CA10: variants seen among roughly 807,000 people sequenced by gnomAD.
CA10 encodes carbonic anhydrase 10 (inactive).
CA10 carries 14 observed loss-of-function variants against 44.2 expected under a neutral mutation model. The ratio of observed to expected loss-of-function variants is 0.32; its 90% CI spans 0.21 to 0.50. CA10 has a LOEUF of 0.50. Ranked by LOEUF, CA10 falls within the 20% of genes least tolerant of loss-of-function variation. The pLI is 0.99. For synonymous variants in CA10, 159 were observed against 141.6 expected, an observed-to-expected ratio of 1.12 and a Z score of -0.87; for missense variants, 350 against 409.7, an observed-to-expected ratio of 0.85 and a Z score of 1.26.
chr17:51,920,918 T>A, intron 3 of CA10, among the ~76,000 whole-genome samples: 1 of 152,344 alleles, frequency 6.6e-6, no homozygotes, highest in East Asian at 1.9e-4. Context: ...ATCAAAATCC[T>A]CTTTTATAAC....
At chr17:52,103,654 G>A (rs1883633524) in intron 1 of CA10, among the ~76,000 whole-genome samples, 1 of 152,220 alleles carries the variant, frequency 6.6e-6, no homozygotes, top group Non-Finnish European at 1.5e-5. Context: ...GAACTAGGGT[G>A]ATTTTGGCAT....
At chr17:51,734,593 T>C (rs1460653375) in intron 4 of CA10, among the ~76,000 whole-genome samples, 1 of 152,126 alleles carries the variant, frequency 6.6e-6, no homozygotes, top group East Asian at 1.9e-4. Flanking sequence ...TCACAAGGAA[T>C]GAGGAATATT....
intron 3 of CA10, among the ~76,000 whole-genome samples, chr17:51,786,288 G>A (rs1011258608): frequency 4.0e-5 from 6 of 151,496 alleles, no homozygotes; most frequent in Non-Finnish European, 5.9e-5. Context: ...GCATTGGCTC[G>A]TGGCTGTAAT....
At chr17:51,929,164 C>A (rs1039753695) in intron 3 of CA10, among the ~76,000 whole-genome samples, 2 of 152,110 alleles carry the variant, frequency 1.3e-5, no homozygotes, top group African/African-American at 4.8e-5. Context: ...TGATTTTTAA[C>A]ACTAGACTAT....
intron 3 of CA10, among the ~76,000 whole-genome samples, chr17:51,890,372 G>A (rs956124401): frequency 2.6e-5 from 4 of 152,098 alleles, no homozygotes; most frequent in African/African-American, 9.7e-5. Context: ...GTTGCCATTT[G>A]CTCAATATTT....
chr17:51,972,532 C>A (rs902121279), intron 2 of CA10, among the ~76,000 whole-genome samples: 6 of 151,958 alleles, frequency 3.9e-5, no homozygotes, highest in Non-Finnish European at 8.8e-5. Flanking sequence ...ATTCGTAAGA[C>A]TCCTGGTCTT....
chr17:51,907,023 T>G (rs62063232), intron 3 of CA10, among the ~76,000 whole-genome samples: 23,500 of 152,170 alleles, frequency 0.15, 2,016 homozygotes, highest in South Asian at 0.31. Flanking sequence ...CAATAACCTG[T>G]ACCAAGTCTT....
At chr17:52,126,626 C>T (rs1181351478) in intron 1 of CA10, among the ~76,000 whole-genome samples, 2 of 151,848 alleles carry the variant, frequency 1.3e-5, no homozygotes, top group Non-Finnish European at 2.9e-5. Context: ...ATTTTCATGC[C>T]CACTTTGAAA....
At chr17:51,681,205 TG>T (rs1354284015) in intron 4 of CA10, among the ~76,000 whole-genome samples, 3 of 152,140 alleles carry the variant, frequency 2.0e-5, no homozygotes, top group African/African-American at 7.2e-5. Context: ...ATCTGCAAAA[TG>T]GGTATGGTAA....
chr17:52,025,973 T>C (rs1986289206), intron 2 of CA10, among the ~76,000 whole-genome samples: 1 of 152,040 alleles, frequency 6.6e-6, no homozygotes, highest in Non-Finnish European at 1.5e-5. Flanking sequence ...AGTATATATG[T>C]ATAATGTGTA....
chr17:51,821,731 C>G (rs927887339), intron 3 of CA10, among the ~76,000 whole-genome samples: 1 of 152,014 alleles, frequency 6.6e-6, no homozygotes, highest in Non-Finnish European at 1.5e-5. Context: ...GTCCTGGATA[C>G]TCTCTGCTCT....
chr17:51,874,950 G>A (rs1351403163), intron 3 of CA10, among the ~76,000 whole-genome samples: 2 of 5,942 alleles, frequency 3.4e-4, no homozygotes, highest in Non-Finnish European at 8.6e-4. Context: ...TTTTTCTTCT[G>A]TTTTTTTTTC....
At chr17:52,058,982 TAC>T (rs1331067284) in intron 2 of CA10, among the ~76,000 whole-genome samples, 3 of 152,150 alleles carry the variant, frequency 2.0e-5, no homozygotes, top group Non-Finnish European at 4.4e-5. Flanking sequence ...GAGTAAATTT[TAC>T]ACACTATGCA....
At chr17:51,896,210 G>A (rs557463351) in intron 3 of CA10, among the ~76,000 whole-genome samples, 18 of 152,044 alleles carry the variant, frequency 1.2e-4, no homozygotes, top group Admixed American at 6.6e-4. Context: ...CATAGTACCC[G>A]GCAGGTAGTT....
chr17:51,740,242 C>T (rs1395325381), intron 4 of CA10, among the ~76,000 whole-genome samples: 1 of 152,140 alleles, frequency 6.6e-6, no homozygotes, highest in Non-Finnish European at 1.5e-5. Flanking sequence ...CTACAACATA[C>T]TCTGTGACTG....
intron 2 of CA10, among the ~76,000 whole-genome samples, chr17:52,048,671 C>G (rs1036049220): frequency 1.5e-4 from 23 of 151,876 alleles, no homozygotes; most frequent in Admixed American, 8.5e-4. Flanking sequence ...GGAAAATAAT[C>G]TGAATATGCT....
chr17:51,727,711 T>C (rs1248062444), intron 4 of CA10, among the ~76,000 whole-genome samples: 3 of 152,218 alleles, frequency 2.0e-5, no homozygotes, highest in Non-Finnish European at 4.4e-5. Context: ...TTAAAGATGC[T>C]ATCACTGATT....
chr17:51,811,448 C>T (rs776760752), intron 3 of CA10, among the ~76,000 whole-genome samples: 10 of 152,128 alleles, frequency 6.6e-5, no homozygotes, highest in Non-Finnish European at 1.0e-4. Flanking sequence ...CAGCCCCCTC[C>T]CGACAGGCCC....
chr17:51,671,377 A>G (rs989184818), intron 4 of CA10, among the ~76,000 whole-genome samples: 14 of 150,796 alleles, frequency 9.3e-5, no homozygotes, highest in African/African-American at 3.4e-4. Context: ...CATGACTCAC[A>G]GTTTCACACA....
Sources: gnomAD v4.1 joint callset for allele counts (sites outside exome capture counted in the v4.1 genomes callset) on GRCh38, gnomAD v4.1.1 for gene constraint, MANE v1.5 for transcripts, NCBI Gene and HGNC (gene_info 2026-07-23, HGNC 2026-07-21) for gene names.